CEP128: variants seen among roughly 807,000 people sequenced by gnomAD.
The protein encoded by CEP128 is centrosomal protein 128, also known as centrosomal protein 128kDa.
In CEP128, 132 loss-of-function variants were observed where a neutral mutation model predicts 156.7. The ratio of observed to expected loss-of-function variants is 0.84; its 90% CI spans 0.73 to 0.97. The LOEUF is 0.97. Among genes scored for constraint, CEP128 ranks in the 50% least tolerant of loss-of-function variants. The pLI, the probability that CEP128 is intolerant of heterozygous loss-of-function variation, is 0.00. For synonymous variants in CEP128, 469 were observed against 448.9 expected, an observed-to-expected ratio of 1.04 and a Z score of -0.57; for missense variants, 1,252 against 1,281.9, an observed-to-expected ratio of 0.98 and a Z score of 0.36.
At chr14:80,684,484 A>G (rs1896447929) in intron 19 of CEP128, among the ~76,000 whole-genome samples, 1 of 152,238 alleles carries the variant, frequency 6.6e-6, no homozygotes, top group South Asian at 2.1e-4. Flanking sequence ...GCCCTGGACC[A>G]GATGGATTCA....
intron 19 of CEP128, among the ~76,000 whole-genome samples, chr14:80,739,850 G>A (rs1216164471): frequency 6.6e-6 from 1 of 152,024 alleles, no homozygotes; most frequent in Non-Finnish European, 1.5e-5. Context: ...TGAAATATTA[G>A]AAAAGACAAA....
At chr14:80,854,451 A>T (rs1377385146) in intron 9 of CEP128, among the ~76,000 whole-genome samples, 1 of 152,202 alleles carries the variant, frequency 6.6e-6, no homozygotes, top group East Asian at 1.9e-4. Context: ...TATATATGCA[A>T]AGGTGTATAT....
intron 2 of CEP128, among the ~76,000 whole-genome samples, chr14:80,947,327 TG>T (rs1443575685): frequency 1.3e-5 from 2 of 151,916 alleles, no homozygotes; most frequent in African/African-American, 4.8e-5. Context: ...GCCTTAGAGA[TG>T]GGGGGTGACC....
At chr14:80,759,462 T>A (rs927102533) in intron 17 of CEP128, among the ~76,000 whole-genome samples, 2 of 152,164 alleles carry the variant, frequency 1.3e-5, no homozygotes, top group Non-Finnish European at 2.9e-5. Context: ...AAAACAAACA[T>A]AAATTTTATC....
intron 19 of CEP128, among the ~76,000 whole-genome samples, chr14:80,701,275 A>G (rs1159450352): frequency 6.6e-6 from 1 of 152,118 alleles, no homozygotes. Flanking sequence ...TGGGGCACCT[A>G]CCGGAGAGGC....
intron 21 of CEP128, among the ~76,000 whole-genome samples, chr14:80,532,369 T>C (rs1889268328): frequency 1.3e-5 from 2 of 152,064 alleles, no homozygotes; most frequent in African/African-American, 2.4e-5. Context: ...TATAATTTTT[T>C]CTCGGGAGGA....
chr14:80,805,241 A>G (rs1595429923), intron 13 of CEP128, among the ~76,000 whole-genome samples: 1 of 152,120 alleles, frequency 6.6e-6, no homozygotes, highest in Non-Finnish European at 1.5e-5. Flanking sequence ...TGCAATGTTT[A>G]GAGATTTGGA....
At chr14:80,572,330 A>T (rs1288205539) in intron 20 of CEP128, among the ~76,000 whole-genome samples, 1 of 152,178 alleles carries the variant, frequency 6.6e-6, no homozygotes, top group African/African-American at 2.4e-5. Flanking sequence ...GATTTGTTTC[A>T]TGAGTCAATG....
intron 19 of CEP128, among the ~76,000 whole-genome samples, chr14:80,739,606 T>C (rs1014989155): frequency 4.6e-5 from 7 of 152,168 alleles, no homozygotes; most frequent in African/African-American, 1.7e-4. Flanking sequence ...TCTTAAAGAC[T>C]GAGACTATTT....
intron 19 of CEP128, among the ~76,000 whole-genome samples, chr14:80,621,721 T>C (rs1015188098): frequency 1.3e-5 from 2 of 152,210 alleles, no homozygotes; most frequent in African/African-American, 4.8e-5. Context: ...ATTTTTGTCT[T>C]TGGCTTCAAA....
At chr14:80,955,004 C>G (rs893838865) in intron 2 of CEP128, 1 of 153,070 alleles carries the variant, frequency 6.5e-6, no homozygotes, top group Non-Finnish European at 1.5e-5. Flanking sequence ...ACTCAACCAC[C>G]GGAGTGGCCC....
At chr14:80,741,990 C>A (rs1342883123) in intron 19 of CEP128, among the ~76,000 whole-genome samples, 3 of 152,186 alleles carry the variant, frequency 2.0e-5, no homozygotes, top group Non-Finnish European at 1.5e-5. Context: ...AATGTCCCCA[C>A]AGGGACCTCA....
chr14:80,549,419 A>G (rs1890121528), intron 21 of CEP128, among the ~76,000 whole-genome samples: 1 of 152,228 alleles, frequency 6.6e-6, no homozygotes, highest in Non-Finnish European at 1.5e-5. Flanking sequence ...AACAGAGCAC[A>G]CTGCGTTTTA....
upstream of CEP128, among the ~76,000 whole-genome samples, chr14:80,946,308 T>TTGATGCCTCATGAGGCATCATGA (rs1886341611): frequency 7.8e-6 from 1 of 127,556 alleles, no homozygotes; most frequent in African/African-American, 3.7e-5. Flanking sequence ...TATTAATACC[T>TTGATGCCTCATGAGGCATCATGA]TGATGCCTCA....
intron 13 of CEP128, among the ~76,000 whole-genome samples, chr14:80,816,345 T>A (rs1283236841): frequency 1.3e-5 from 2 of 152,058 alleles, no homozygotes; most frequent in Non-Finnish European, 2.9e-5. Flanking sequence ...TTGCGGAGGC[T>A]CCATTCCAGG....
At chr14:80,781,709 A>G (rs1008445576) in intron 15 of CEP128, among the ~76,000 whole-genome samples, 49 of 152,316 alleles carry the variant, frequency 3.2e-4, no homozygotes, top group African/African-American at 1.0e-3. Context: ...GTATGGCTAC[A>G]TTGCAAGTTA....
chr14:80,523,261 A>G (rs1312525080), intron 23 of CEP128, among the ~76,000 whole-genome samples: 1 of 152,228 alleles, frequency 6.6e-6, no homozygotes, highest in Non-Finnish European at 1.5e-5. Flanking sequence ...CTGAAATTCT[A>G]ATAGTGATCC....
At chr14:80,488,708 A>G (rs1311624543), downstream of CEP128, among the ~76,000 whole-genome samples, 1 of 152,172 alleles carries the variant, frequency 6.6e-6, no homozygotes, top group Non-Finnish European at 1.5e-5. Context: ...GGCACTATTC[A>G]AAATAGCAAA....
chr14:80,840,473 T>C (rs1480422582), intron 10 of CEP128, among the ~76,000 whole-genome samples: 1 of 152,116 alleles, frequency 6.6e-6, no homozygotes, highest in African/African-American at 2.4e-5. Context: ...AGAATGGTCA[T>C]AGATGACAAG....
Sources: gnomAD v4.1 joint callset for allele counts (sites outside exome capture counted in the v4.1 genomes callset) on GRCh38, gnomAD v4.1.1 for gene constraint, MANE v1.5 for transcripts, NCBI Gene and HGNC (gene_info 2026-07-23, HGNC 2026-07-21) for gene names.